Variants in GRM8 observed in about 807,000 individuals in gnomAD.
The protein encoded by GRM8 is glutamate metabotropic receptor 8.
In GRM8, 47 loss-of-function variants were observed where a neutral mutation model predicts 87.2. The observed-to-expected ratio is 0.54, with a 90% CI of 0.43 to 0.69. The LOEUF is 0.69. Among genes scored for constraint, GRM8 ranks in the 30% least tolerant of loss-of-function variants. The probability of loss-of-function intolerance (pLI) is 0.00; values close to 1 mark genes in which losing one functional copy is unlikely to be tolerated. For missense variants in GRM8, 1,019 were observed against 1,139.2 expected, an observed-to-expected ratio of 0.89 and a Z score of 1.52; for synonymous variants, 396 against 404.5, an observed-to-expected ratio of 0.98 and a Z score of 0.25.
intron 3 of GRM8, among the ~76,000 whole-genome samples, chr7:126,931,775 C>T (rs1805796623): frequency 1.3e-5 from 2 of 152,210 alleles, no homozygotes; most frequent in African/African-American, 2.4e-5. Context: ...TCTCACACAA[C>T]ATTCTAGACA....
intron 2 of GRM8, among the ~76,000 whole-genome samples, chr7:127,124,561 C>T (rs1827259293): frequency 6.6e-6 from 1 of 152,100 alleles, no homozygotes; most frequent in Non-Finnish European, 1.5e-5. Flanking sequence ...TGACAATGTC[C>T]AACAAGTTTA....
At chr7:127,132,405 A>G (rs1827737233) in intron 2 of GRM8, among the ~76,000 whole-genome samples, 1 of 152,108 alleles carries the variant, frequency 6.6e-6, no homozygotes, top group Non-Finnish European at 1.5e-5. Context: ...TTTCCAAGTC[A>G]TCCGGTCTTT....
chr7:126,440,130 G>A (rs1801287381), intron 10 of GRM8, among the ~76,000 whole-genome samples: 1 of 151,682 alleles, frequency 6.6e-6, no homozygotes, highest in African/African-American at 2.4e-5. Context: ...AATATCTACA[G>A]TGGCTGGGTG....
intron 3 of GRM8, chr7:127,084,900 G>A (rs1823309858): frequency 6.6e-6 from 1 of 152,190 alleles, no homozygotes; most frequent in Admixed American, 6.5e-5. Flanking sequence ...TGCCATGTTG[G>A]TTTGCTGCAC....
intron 8 of GRM8, among the ~76,000 whole-genome samples, chr7:126,539,394 A>G (rs1021345575): frequency 8.6e-5 from 13 of 152,044 alleles, no homozygotes; most frequent in African/African-American, 3.1e-4. Flanking sequence ...ATTCAACACA[A>G]TCCCAGTCAA....
chr7:126,459,403 G>C (rs1420573331), intron 9 of GRM8, among the ~76,000 whole-genome samples: 1 of 122,972 alleles, frequency 8.1e-6, no homozygotes, highest in African/African-American at 3.1e-5. Flanking sequence ...AGGAAAACAA[G>C]GAAAGTATTC....
chr7:127,044,864 A>T (rs1202174552), intron 3 of GRM8, among the ~76,000 whole-genome samples: 1 of 152,246 alleles, frequency 6.6e-6, no homozygotes, highest in Non-Finnish European at 1.5e-5. Context: ...CAAAAAAAGT[A>T]CAAAGGAAAA....
chr7:126,734,309 C>G (rs1407522778), intron 7 of GRM8, among the ~76,000 whole-genome samples: 1 of 151,712 alleles, frequency 6.6e-6, no homozygotes, highest in African/African-American at 2.4e-5. Context: ...TGTTCAAAAA[C>G]AAAGCCAGCA....
chr7:127,045,574 C>A (rs2132441078), intron 3 of GRM8, among the ~76,000 whole-genome samples: 1 of 152,090 alleles, frequency 6.6e-6, no homozygotes, highest in African/African-American at 2.4e-5. Context: ...GTCTCTAATC[C>A]ATCTTCAATT....
chr7:126,863,781 T>G (rs1798349669), intron 6 of GRM8, among the ~76,000 whole-genome samples: 1 of 152,140 alleles, frequency 6.6e-6, no homozygotes, highest in African/African-American at 2.4e-5. Context: ...AGATTCATCT[T>G]ATTTTGTTAA....
chr7:126,837,469 A>C (rs1795909070), intron 6 of GRM8, among the ~76,000 whole-genome samples: 3 of 152,248 alleles, frequency 2.0e-5, no homozygotes, highest in Non-Finnish European at 4.4e-5. Context: ...ATATACTTTA[A>C]AAGCCAAGAT....
chr7:127,246,079 C>A (rs1252591202), intron 1 of GRM8, among the ~76,000 whole-genome samples: 3 of 152,158 alleles, frequency 2.0e-5, no homozygotes, highest in Non-Finnish European at 4.4e-5. Context: ...TTAAATCTTC[C>A]ATTTATTTCA....
intron 8 of GRM8, among the ~76,000 whole-genome samples, chr7:126,591,873 A>T (rs1371978564): frequency 6.6e-6 from 1 of 151,826 alleles, no homozygotes; most frequent in Non-Finnish European, 1.5e-5. Flanking sequence ...CAAATTTGAC[A>T]AAACTTAAAG....
intron 2 of GRM8, among the ~76,000 whole-genome samples, chr7:127,165,712 C>T (rs990226906): frequency 6.6e-6 from 1 of 152,158 alleles, no homozygotes; most frequent in Non-Finnish European, 1.5e-5. Context: ...CTGCCTTACA[C>T]CTTTAAACTG....
At chr7:127,074,862 G>A (rs1309862635) in intron 3 of GRM8, among the ~76,000 whole-genome samples, 1 of 152,146 alleles carries the variant, frequency 6.6e-6, no homozygotes, top group Non-Finnish European at 1.5e-5. Flanking sequence ...GTCAAGCCCT[G>A]CCTAGGGCTC....
chr7:126,516,800 T>A (rs1221095190), intron 9 of GRM8, among the ~76,000 whole-genome samples: 1 of 152,122 alleles, frequency 6.6e-6, no homozygotes, highest in Non-Finnish European at 1.5e-5. Flanking sequence ...CTAAGATATT[T>A]AAGATATCTC....
At chr7:127,228,211 T>G (rs1272464967) in intron 2 of GRM8, among the ~76,000 whole-genome samples, 1 of 152,212 alleles carries the variant, frequency 6.6e-6, no homozygotes. Flanking sequence ...TTACTTTCCA[T>G]GTAACCTTAG....
intron 3 of GRM8, among the ~76,000 whole-genome samples, chr7:127,017,417 G>A (rs11563787): frequency 0.064 from 9,669 of 151,954 alleles, 339 homozygotes; most frequent in South Asian, 0.13. Flanking sequence ...AACCCTACAC[G>A]TTGTACTCCT....
chr7:126,841,780 C>A (rs1009421553), intron 6 of GRM8, among the ~76,000 whole-genome samples: 7 of 152,034 alleles, frequency 4.6e-5, no homozygotes, highest in Admixed American at 2.0e-4. Context: ...GGCGCCCCCA[C>A]CAAGCCTGGC....
Sources: gnomAD v4.1 joint callset for allele counts (sites outside exome capture counted in the v4.1 genomes callset) on GRCh38, gnomAD v4.1.1 for gene constraint, MANE v1.5 for transcripts, NCBI Gene and HGNC (gene_info 2026-07-23, HGNC 2026-07-21) for gene names.